Variants in TTC39C observed in about 807,000 individuals in gnomAD.
The protein encoded by TTC39C is tetratricopeptide repeat domain 39C.
Under a neutral mutation model 76.3 loss-of-function variants are expected in TTC39C, and 33 were observed. The ratio of observed to expected loss-of-function variants is 0.43; its 90% CI spans 0.33 to 0.58. TTC39C has a LOEUF of 0.58. Ranked by LOEUF, TTC39C falls within the 20% of genes least tolerant of loss-of-function variation. The pLI is 0.04. For synonymous variants in TTC39C, 254 were observed against 260.6 expected, an observed-to-expected ratio of 0.97 and a Z score of 0.24; for missense variants, 595 against 701.4, an observed-to-expected ratio of 0.85 and a Z score of 1.71.
intron 6 of TTC39C, among the ~76,000 whole-genome samples, chr18:24,105,748 G>A (rs771086012): frequency 3.2e-4 from 49 of 152,242 alleles, no homozygotes; most frequent in Non-Finnish European, 1.8e-4. Context: ...ACCCCTGACC[G>A]TTGGTGTCTT....
At chr18:24,114,012 GC>G (rs2084855391) in intron 6 of TTC39C, 4 of 330,010 alleles carry the variant, frequency 1.2e-5, no homozygotes, top group Non-Finnish European at 2.3e-5. Flanking sequence ...ATGGTGAAGA[GC>G]TCACTGAGAA....
chr18:24,020,599 C>T (rs1387261925), intron 1 of TTC39C, among the ~76,000 whole-genome samples: 1 of 152,220 alleles, frequency 6.6e-6, no homozygotes, highest in East Asian at 1.9e-4. Context: ...GTATCACCTA[C>T]ACACATCCTC....
intron 1 of TTC39C, among the ~76,000 whole-genome samples, chr18:24,023,976 A>C (rs1475357809): frequency 6.4e-3 from 83 of 12,880 alleles, no homozygotes; most frequent in Middle Eastern, 0.045. Context: ...ATATATATAT[A>C]TATACATATA....
rs1173717703 is a variant in TTC39C, at chr18:24,056,326, A to AC, written c.168-7808dup. Among the ~76,000 whole-genome samples the AC allele has an allele frequency of 8.5e-5, 13 of 152,112 alleles. No homozygotes were observed. The East Asian group carries it at 2.3e-3, about 27-fold the overall frequency. ...TCGTTTATAATCCCCAGGAGTCGAAACCCCCCACACATTTGAAGGGGAGAA... is the reference window on the plus strand; with the variant it reads ...TCGTTTATAATCCCCAGGAGTCGAAACCCCCCCACACATTTGAAGGGGAGAA... On this transcript the variant is annotated intron_variant, in intron 1 of 13. Transcript: ENST00000317571.
At chr18:24,012,881 AC>A (rs2083404313), upstream of TTC39C, 1 of 151,666 alleles carries the variant, frequency 6.6e-6, no homozygotes, top group African/African-American at 2.5e-5. Flanking sequence ...ACACACACAC[AC>A]ACACGCATAA....
rs529112685 is a variant in TTC39C at position 24,094,809 on chromosome 18, C to T, written c.984+11728C>T. ...GCTTTCTTTTTCCATTTATAGAACA[C>T]AGGAAGAGGAAGAGTAGATATAGCC... is the stretch of plus-strand genomic sequence containing the variant. On this transcript the variant is annotated intron_variant, in intron 6 of 13. Transcript: ENST00000317571. Among the ~76,000 whole-genome samples, 8 of 152,260 alleles carry T rather than the reference C, an allele frequency of 5.3e-5. No individual in the cohort carries two copies. The South Asian group carries it at 8.3e-4, about 16-fold the overall frequency.
chr18:24,120,953 G>A lies in TTC39C; in HGVS notation c.1186+2721G>A, dbSNP rs189449458. 3.9e-5 allele frequency: 6 copies of A among 152,222 alleles called. No individual in the cohort carries two copies. The East Asian group carries it at 9.6e-4, about 24-fold the overall frequency. The allele number at this position is 152,222 out of a possible 1,614,324, so 9.4% of individuals were successfully genotyped here. ...CATTCATTCATTGATGGACATTTCGGTTGTTTCCAATCTTTTTGCTATTGT... is the reference window on the plus strand; with the variant it reads ...CATTCATTCATTGATGGACATTTCGATTGTTTCCAATCTTTTTGCTATTGT... On this transcript the variant is annotated intron_variant, in intron 8 of 13. Coordinates refer to ENST00000317571, the MANE Select transcript of TTC39C (RefSeq NM_001135993.2).
chr18:24,029,600 C>A (rs1411473095), intron 1 of TTC39C, among the ~76,000 whole-genome samples: 3 of 152,114 alleles, frequency 2.0e-5, no homozygotes, highest in Non-Finnish European at 4.4e-5. Context: ...TTTGGTGTAC[C>A]TATCACCCAA....
chr18:24,008,739 C>G (rs1192387746), intron 1 of TTC39C, among the ~76,000 whole-genome samples: 1 of 152,142 alleles, frequency 6.6e-6, no homozygotes, highest in Admixed American at 6.5e-5. Flanking sequence ...CACATGTCTT[C>G]GTAAAGACAC....
rs572928053 is a variant in TTC39C, at chr18:24,081,103, C to T, written c.815+164C>T. 1.4e-4 allele frequency among the ~76,000 whole-genome samples: 21 copies of T among 152,250 alleles called. No individual in the cohort carries two copies. In the East Asian group the frequency reaches 1.7e-3, roughly 13 times the overall value. On this transcript the variant is annotated intron_variant, in intron 5 of 13. Transcript: ENST00000317571. ...AACACCAAGGACTGTGTTCTGTGGT[C>T]GTGGTGGTGGTTCTAAGCTGACTTT...
chr18:24,046,790 T>C (rs1356367245), intron 1 of TTC39C, among the ~76,000 whole-genome samples: 1 of 151,880 alleles, frequency 6.6e-6, no homozygotes, highest in Non-Finnish European at 1.5e-5. Context: ...TTGCACCAAT[T>C]TTCATTCCCA....
intron 1 of TTC39C, among the ~76,000 whole-genome samples, chr18:24,054,274 T>G (rs2083987942): frequency 6.6e-6 from 1 of 152,210 alleles, no homozygotes; most frequent in Admixed American, 6.5e-5. Context: ...AAGCAGGATT[T>G]GGCTGTCTTG....
At chr18:24,007,583 C>T (rs1599227519) in intron 1 of TTC39C, among the ~76,000 whole-genome samples, 1 of 152,244 alleles carries the variant, frequency 6.6e-6, no homozygotes, top group East Asian at 1.9e-4. Context: ...AGGGTTTCAC[C>T]ATGTTTGCCA....
intron 1 of TTC39C, among the ~76,000 whole-genome samples, chr18:23,998,434 A>AC (rs1289892853): frequency 6.6e-6 from 1 of 151,716 alleles, no homozygotes; most frequent in Non-Finnish European, 1.5e-5. Context: ...ACATGGTGAG[A>AC]CCCCCATCTC....
At chr18:24,077,892 G>A (rs1263578168) in intron 4 of TTC39C, among the ~76,000 whole-genome samples, 2 of 152,130 alleles carry the variant, frequency 1.3e-5, no homozygotes, top group African/African-American at 4.8e-5. Flanking sequence ...CACTTTGTTA[G>A]TATAAAAGAA....
intron 7 of TTC39C, chr18:24,114,941 T>A: frequency 4.2e-6 from 1 of 236,656 alleles, no homozygotes; most frequent in Non-Finnish European, 8.3e-6. Context: ...AAGCTCTTTG[T>A]TCCTCCTTCC....
chr18:24,114,848 T>C (rs1329313007), intron 7 of TTC39C: 1 of 480,760 alleles, frequency 2.1e-6, no homozygotes. Flanking sequence ...CTTTACAGCA[T>C]TTTGATTTTT....
intron 11 of TTC39C, among the ~76,000 whole-genome samples, chr18:24,129,661 C>T (rs2145831498): frequency 6.6e-6 from 1 of 151,642 alleles, no homozygotes; most frequent in East Asian, 1.9e-4. Flanking sequence ...GTAATCCCAG[C>T]TACTCGGGAG....
At chr18:24,012,276 C>T (rs1049634965), upstream of TTC39C, among the ~76,000 whole-genome samples, 2 of 152,166 alleles carry the variant, frequency 1.3e-5, no homozygotes, top group African/African-American at 4.8e-5. Context: ...TTGCACATAT[C>T]TGGTGTGTAT....
Sources: allele counts gnomAD v4.1 joint callset (sites outside exome capture counted in the v4.1 genomes callset), GRCh38; gene constraint gnomAD v4.1.1; transcripts MANE v1.5; gene names NCBI Gene and HGNC (gene_info 2026-07-23, HGNC 2026-07-21).